Variants in KIAA1328 observed in about 807,000 individuals in gnomAD.
KIAA1328 encodes KIAA1328.
Under a neutral mutation model 68.1 loss-of-function variants are expected in KIAA1328, and 52 were observed. The ratio of observed to expected loss-of-function variants is 0.76; its 90% CI spans 0.61 to 0.96. KIAA1328 has a LOEUF of 0.96. KIAA1328 is among the 40% of genes least tolerant of loss of function. The pLI, the probability that KIAA1328 is intolerant of heterozygous loss-of-function variation, is 0.00. For missense variants in KIAA1328, 641 were observed against 677.6 expected, an observed-to-expected ratio of 0.95 and a Z score of 0.60; for synonymous variants, 232 against 239.4, an observed-to-expected ratio of 0.97 and a Z score of 0.28.
chr18:36,921,514 C>G (rs534861134), intron 5 of KIAA1328, among the ~76,000 whole-genome samples: 6 of 152,260 alleles, frequency 3.9e-5, no homozygotes, highest in African/African-American at 1.4e-4. Context: ...CGCCATTCCT[C>G]TGCCTCAGCC....
At chr18:37,137,204 G>T (rs953031454) in intron 7 of KIAA1328, among the ~76,000 whole-genome samples, 3 of 152,012 alleles carry the variant, frequency 2.0e-5, no homozygotes, top group Admixed American at 1.3e-4. Flanking sequence ...ATTTTAATGT[G>T]CCCATCAGGG....
At chr18:37,116,265 A>G (rs1173534308) in intron 7 of KIAA1328, among the ~76,000 whole-genome samples, 1 of 152,226 alleles carries the variant, frequency 6.6e-6, no homozygotes, top group East Asian at 1.9e-4. Flanking sequence ...AAACTATACT[A>G]CAAGGCTACA....
At chr18:37,002,087 ATTATC>A (rs1568276706) in intron 6 of KIAA1328, among the ~76,000 whole-genome samples, 1 of 152,108 alleles carries the variant, frequency 6.6e-6, no homozygotes, top group Non-Finnish European at 1.5e-5. Flanking sequence ...TGCTGATAAT[ATTATC>A]TTATATCTGG....
intron 8 of KIAA1328, among the ~76,000 whole-genome samples, chr18:37,164,804 G>A (rs2059353620): frequency 1.3e-5 from 2 of 152,112 alleles, no homozygotes; most frequent in Admixed American, 1.3e-4. Flanking sequence ...TATGGACGGG[G>A]AGGGTTCTAT....
intron 7 of KIAA1328, among the ~76,000 whole-genome samples, chr18:37,072,141 T>C (rs1475092181): frequency 6.6e-6 from 1 of 152,156 alleles, no homozygotes; most frequent in Admixed American, 6.5e-5. Context: ...TTCCAAGATT[T>C]CCTCTTTTAT....
intron 3 of KIAA1328, among the ~76,000 whole-genome samples, chr18:36,836,756 A>G (rs1246960354): frequency 6.6e-6 from 1 of 152,116 alleles, no homozygotes; most frequent in African/African-American, 2.4e-5. Flanking sequence ...TTATCACTCT[A>G]GAAAGAAACC....
At chr18:37,006,919 A>G (rs2053805457) in intron 6 of KIAA1328, among the ~76,000 whole-genome samples, 1 of 152,204 alleles carries the variant, frequency 6.6e-6, no homozygotes, top group African/African-American at 2.4e-5. Flanking sequence ...GTTATGACTC[A>G]CAATAAAACT....
chr18:37,116,910 A>G (rs983258532), intron 7 of KIAA1328, among the ~76,000 whole-genome samples: 2 of 152,250 alleles, frequency 1.3e-5, no homozygotes, highest in African/African-American at 4.8e-5. Context: ...ATATGAAAAA[A>G]TGCTCATCAT....
chr18:37,038,501 T>C (rs924357827), intron 6 of KIAA1328, among the ~76,000 whole-genome samples: 1 of 152,156 alleles, frequency 6.6e-6, no homozygotes. Context: ...TGGATGTTTG[T>C]GTAAGATTGC....
intron 5 of KIAA1328, among the ~76,000 whole-genome samples, chr18:36,942,241 G>T (rs2151189710): frequency 6.6e-6 from 1 of 152,342 alleles, no homozygotes; most frequent in African/African-American, 2.4e-5. Context: ...ACTGGGCTTG[G>T]TCAGCTAGAT....
chr18:37,169,736 T>A (rs1039450968), intron 8 of KIAA1328, among the ~76,000 whole-genome samples: 2 of 152,364 alleles, frequency 1.3e-5, no homozygotes, highest in African/African-American at 4.8e-5. Context: ...TTTACAGCAA[T>A]CATTCTTATC....
chr18:37,172,239 G>A (rs1022762756), intron 8 of KIAA1328, among the ~76,000 whole-genome samples: 6 of 152,164 alleles, frequency 3.9e-5, no homozygotes, highest in African/African-American at 1.4e-4. Context: ...AACTGCATGT[G>A]ATTCTTACAG....
At chr18:37,080,221 A>G (rs746541167) in intron 7 of KIAA1328, among the ~76,000 whole-genome samples, 18 of 152,172 alleles carry the variant, frequency 1.2e-4, no homozygotes, top group Admixed American at 2.0e-4. Context: ...CTTTATGCCA[A>G]TTGTCAGTTT....
At chr18:37,229,601 C>A (rs771000552), downstream of KIAA1328, 2 of 1,272,090 alleles carry the variant, frequency 1.6e-6, no homozygotes, top group Non-Finnish European at 2.0e-6. Context: ...TCCATCCAGG[C>A]GCGGTGGCTT....
chr18:37,018,097 T>C (rs951196631), intron 6 of KIAA1328, among the ~76,000 whole-genome samples: 2 of 152,152 alleles, frequency 1.3e-5, no homozygotes, highest in African/African-American at 4.8e-5. Flanking sequence ...GTCACAGGTA[T>C]CATTTTTTGT....
chr18:36,930,416 A>C (rs2050269134), intron 5 of KIAA1328, among the ~76,000 whole-genome samples: 1 of 152,144 alleles, frequency 6.6e-6, no homozygotes, highest in African/African-American at 2.4e-5. Context: ...GTTACCGTGG[A>C]AGCAACATTC....
intron 4 of KIAA1328, among the ~76,000 whole-genome samples, chr18:36,864,158 T>G (rs1192651989): frequency 1.3e-5 from 2 of 152,236 alleles, no homozygotes; most frequent in African/African-American, 4.8e-5. Context: ...TATGATTGCA[T>G]GCTGAATTTT....
downstream of KIAA1328, among the ~76,000 whole-genome samples, chr18:37,227,779 A>G (rs965740368): frequency 1.1e-4 from 16 of 152,240 alleles, no homozygotes; most frequent in African/African-American, 3.6e-4. Context: ...TCTGCAGCCC[A>G]TGGATCAAGG....
At chr18:36,839,151 T>A (rs1271932851) in intron 3 of KIAA1328, among the ~76,000 whole-genome samples, 1 of 152,192 alleles carries the variant, frequency 6.6e-6, no homozygotes, top group African/African-American at 2.4e-5. Flanking sequence ...TCTCCAGATA[T>A]TTTTGTTTCC....
Sources: gnomAD v4.1 joint callset for allele counts (sites outside exome capture counted in the v4.1 genomes callset) on GRCh38, gnomAD v4.1.1 for gene constraint, MANE v1.5 for transcripts, NCBI Gene and HGNC (gene_info 2026-07-23, HGNC 2026-07-21) for gene names.